Variants in HM13 observed in about 807,000 individuals in gnomAD.
HM13 encodes signal peptide peptidase.
Under a neutral mutation model 50.0 loss-of-function variants are expected in HM13, and 18 were observed. The ratio of observed to expected loss-of-function variants is 0.36; its 90% confidence interval spans 0.25 to 0.53. The LOEUF (loss-of-function observed/expected upper bound fraction) is 0.53, where lower values mean the gene tolerates loss of function less well. HM13 is among the 20% of genes least tolerant of loss of function. The probability of loss-of-function intolerance (pLI) is 0.90; values close to 1 mark genes in which losing one functional copy is unlikely to be tolerated. For missense variants in HM13, 393 were observed against 552.4 expected, an observed-to-expected ratio of 0.71 and a Z score of 2.89; for synonymous variants, 197 against 232.6, an observed-to-expected ratio of 0.85 and a Z score of 1.39.
At chr20:31,568,269 C>A in intron 12 of HM13, 45 bp downstream of exon 12, 1 of 1,600,510 alleles carries the variant, frequency 6.2e-7, no homozygotes. Context: ...CCCTACTGCC[C>A]CGGGGCCCAA....
intron 2 of HM13, among the ~76,000 whole-genome samples, chr20:31,532,283 G>A (rs1982865355): frequency 6.6e-6 from 1 of 151,938 alleles, no homozygotes; most frequent in African/African-American, 2.4e-5. Context: ...AAACTATCAG[G>A]GTGTGGTGGC....
At chr20:31,529,670 C>CT (rs1345665364) in intron 2 of HM13, among the ~76,000 whole-genome samples, 20 of 152,126 alleles carry the variant, frequency 1.3e-4, no homozygotes, top group Non-Finnish European at 2.6e-4. Flanking sequence ...GATCCCAGCA[C>CT]TTTGGGAAGC....
chr20:31,557,703 C>CTTTTTTTTTTTTTTT (rs1180267680), intron 8 of HM13, among the ~76,000 whole-genome samples: 1 of 80,906 alleles, frequency 1.2e-5, no homozygotes, highest in African/African-American at 5.7e-5. Flanking sequence ...GGCAGTGCTT[C>CTTTTTTTTTTTTTTT]TTTTTTTTTT....
At position 31,544,516 on chromosome 20, in the gene HM13, G is replaced by T. The variant is rs191790181; in HGVS notation, c.366-431G>T. ...TGTCAAGTCATGGAGTGGGGTGGGGGTGACTGTCAGGTCATCTAACTTGAT... is the reference window on the plus strand; with the variant it reads ...TGTCAAGTCATGGAGTGGGGTGGGGTTGACTGTCAGGTCATCTAACTTGAT... On this transcript the variant is annotated intron_variant, in intron 3 of 12. Coordinates refer to ENST00000398174, the MANE Select transcript of HM13 (RefSeq NM_178581.3). 2.0e-4 allele frequency among the ~76,000 whole-genome samples: 30 copies of T among 152,316 alleles called. No individual in the cohort carries two copies. The East Asian group carries it at 4.2e-3, about 22-fold the overall frequency.
intron 3 of HM13, among the ~76,000 whole-genome samples, chr20:31,544,411 G>C (rs972858470): frequency 6.6e-6 from 1 of 152,230 alleles, no homozygotes; most frequent in Non-Finnish European, 1.5e-5. Flanking sequence ...TGGTGATCCT[G>C]CCCAGGGGCT....
chr20:31,551,404 G>A (rs954740899), intron 7 of HM13, among the ~76,000 whole-genome samples: 1 of 152,148 alleles, frequency 6.6e-6, no homozygotes. Flanking sequence ...TCACATAGCT[G>A]TGTCCAGAAA....
chr20:31,547,210 G>A (rs966716168), intron 4 of HM13, among the ~76,000 whole-genome samples: 4 of 152,324 alleles, frequency 2.6e-5, no homozygotes, highest in East Asian at 1.9e-4. Context: ...GAAAGCATTC[G>A]TATCATTTCT....
Position 31,568,060 on chromosome 20 carries a change from T to C in HM13, c.1035-18T>C, listed in dbSNP as rs1476187756. 9 of 1,533,160 alleles carry C rather than the reference T, an allele frequency of 5.9e-6. No homozygotes were observed. The highest frequency in any genetic ancestry group is 1.7e-4 in the Middle Eastern group (1 of 5,838). The allele number at this position is 1,533,160 out of a possible 1,614,324, so 95.0% of individuals were successfully genotyped here. A position where few individuals can be genotyped will look rare whatever the true frequency, so the allele number is the denominator to read the frequency against. On this transcript the variant is annotated intron_variant, in intron 11 of 12. Coordinates refer to ENST00000398174, the MANE Select transcript of HM13 (RefSeq NM_178581.3). The stretch of plus-strand genomic sequence containing the variant: ...TATCCATCTCTTTTTTTCTGTCTCT[T>C]CTCTCTCTCTCACACAGCTACGAGT...
intron 4 of HM13, among the ~76,000 whole-genome samples, chr20:31,545,456 A>G (rs1232285457): frequency 1.3e-5 from 2 of 152,158 alleles, no homozygotes; most frequent in Non-Finnish European, 2.9e-5. Flanking sequence ...AGGGGGTTCC[A>G]CAGCTCTTTT....
chr20:31,566,475 T>C (rs889393060), intron 11 of HM13, among the ~76,000 whole-genome samples, 180 bp downstream of exon 11: 1 of 151,942 alleles, frequency 6.6e-6, no homozygotes, highest in Non-Finnish European at 1.5e-5. Flanking sequence ...AGTGGGAACC[T>C]TACCCTGGGC....
Position 31,569,207 on chromosome 20 carries a change from G to A in HM13, c.1269G>A (p.Lys423=), listed in dbSNP as rs1413228525. The A allele has an allele frequency of 1.9e-6, 3 of 1,592,028 alleles. No individual in the cohort carries two copies. Among genetic ancestry groups the A allele is most frequent in the South Asian group, 1.1e-5 (1 of 88,652 alleles). The change falls in exon 13 of 13, where the codon AAG becomes AAA. Residue 423 remains lysine, a synonymous_variant. Transcript: ENST00000398174. ...CATCAGCATCGAAGGGGCTGGAGAA[G>A]AAAGAGAAATGATGCAGCTGGTGCC... is the stretch of plus-strand genomic sequence containing the variant. ...TEASASKGLE[K]KEK is the part of the protein sequence containing the mutation.
At position 31,556,193 on chromosome 20, in the gene HM13, C is replaced by A. The variant is rs922986964; in HGVS notation, c.808+1364C>A. On this transcript the variant is annotated intron_variant, in intron 8 of 12. Transcript: ENST00000398174. ...AGCTGGGATTATAGGCATGCACCAC[C>A]ACGCCCGGCTGATTTTGTATATTTA... 9.9e-4 allele frequency among the ~76,000 whole-genome samples: 151 copies of A among 151,902 alleles called. 2 individuals carry two copies. The highest frequency in any genetic ancestry group is 3.0e-3 in the African/African-American group (126 of 41,418).
intron 1 of HM13, among the ~76,000 whole-genome samples, chr20:31,519,411 TCCTTGCA>T (rs1982011741): frequency 6.6e-6 from 1 of 152,192 alleles, no homozygotes; most frequent in Admixed American, 6.5e-5. Context: ...AGTACACTCT[TCCTTGCA>T]CCTTGCTTTT....
chr20:31,544,423 T>C (rs941838449), intron 3 of HM13, among the ~76,000 whole-genome samples: 8 of 152,252 alleles, frequency 5.3e-5, no homozygotes, highest in Non-Finnish European at 1.0e-4. Flanking sequence ...CCAGGGGCTA[T>C]GATTCATCTG....
intron 4 of HM13, among the ~76,000 whole-genome samples, chr20:31,547,223 C>T (rs1983772902): frequency 6.6e-6 from 1 of 152,236 alleles, no homozygotes; most frequent in South Asian, 2.1e-4. Context: ...TCATTTCTAG[C>T]TTGTCAAGCC....
intron 1 of HM13, among the ~76,000 whole-genome samples, chr20:31,517,608 C>T (rs932612278): frequency 6.6e-6 from 1 of 152,024 alleles, no homozygotes; most frequent in Non-Finnish European, 1.5e-5. Flanking sequence ...GTTGTCTCTG[C>T]ATGGATTGGG....
chr20:31,547,932 G>T, intron 4 of HM13: 2 of 1,287,420 alleles, frequency 1.6e-6, no homozygotes, highest in Non-Finnish European at 2.3e-6. Context: ...AGCATGCTCT[G>T]TGTGTTGGGG....
chr20:31,542,375 C>G (rs1983495469), intron 3 of HM13, among the ~76,000 whole-genome samples: 1 of 152,206 alleles, frequency 6.6e-6, no homozygotes, highest in African/African-American at 2.4e-5. Flanking sequence ...ATCTGCCACC[C>G]CAGAGGAGGA....
At chr20:31,538,068 C>G in intron 2 of HM13, 111 bp from the exon 3 acceptor site, 8 of 1,244,546 alleles carry the variant, frequency 6.4e-6, no homozygotes, top group Non-Finnish European at 9.0e-6. Flanking sequence ...CCTGACTGTC[C>G]CCCGACTCAA....
Sources: allele counts gnomAD v4.1 joint callset (sites outside exome capture counted in the v4.1 genomes callset), GRCh38; gene constraint gnomAD v4.1.1; transcripts MANE v1.5; gene names NCBI Gene and HGNC (gene_info 2026-07-23, HGNC 2026-07-21).